The following CCDC192 variants were observed in gnomAD, a reference collection of about 807,000 sequenced individuals.
CCDC192 encodes coiled-coil domain-containing protein 192.
chr5:127,797,771 A>ATATATG (rs1757257645), intron 4 of CCDC192, among the ~76,000 whole-genome samples: 1 of 27,490 alleles, frequency 3.6e-5, no homozygotes, highest in African/African-American at 8.0e-5. Flanking sequence ...ATATATATAT[A>ATATATG]TATATATTTA....
At chr5:127,775,004 T>A (rs1256045933) in intron 3 of CCDC192, among the ~76,000 whole-genome samples, 3 of 152,222 alleles carry the variant, frequency 2.0e-5, no homozygotes, top group African/African-American at 7.2e-5. Flanking sequence ...AGTTTATTCT[T>A]CTGGATCAAT....
intron 6 of CCDC192, among the ~76,000 whole-genome samples, chr5:127,916,398 A>G (rs534991422): frequency 5.9e-5 from 9 of 152,350 alleles, no homozygotes; most frequent in Non-Finnish European, 1.2e-4. Flanking sequence ...CATTCCACAA[A>G]TCACGAATGT....
At chr5:127,735,638 C>A (rs1752937003) in intron 2 of CCDC192, among the ~76,000 whole-genome samples, 2 of 126,144 alleles carry the variant, frequency 1.6e-5, no homozygotes, top group Admixed American at 1.7e-4. Flanking sequence ...TGAAGAGGTC[C>A]TTCACATCCC....
At chr5:127,827,364 C>T (rs980840526) in intron 5 of CCDC192, among the ~76,000 whole-genome samples, 12 of 152,182 alleles carry the variant, frequency 7.9e-5, no homozygotes, top group Admixed American at 7.2e-4. Context: ...TTTTTTCCAG[C>T]ATTTGCTTTT....
chr5:127,919,045 A>G (rs1753621415), intron 6 of CCDC192, among the ~76,000 whole-genome samples: 2 of 146,774 alleles, frequency 1.4e-5, no homozygotes. Flanking sequence ...GTGTGTATAT[A>G]TCTGTGTGTG....
chr5:127,761,659 T>G (rs956931135), intron 3 of CCDC192, among the ~76,000 whole-genome samples: 5 of 152,192 alleles, frequency 3.3e-5, no homozygotes, highest in Non-Finnish European at 7.3e-5. Context: ...GGGCTCAGGT[T>G]TTCTCTTCAA....
At chr5:127,941,046 G>T (rs1754386761) in intron 6 of CCDC192, 136 bp from the exon 7 acceptor site, 2 of 396,600 alleles carry the variant, frequency 5.0e-6, no homozygotes, top group African/African-American at 2.1e-5. Context: ...TATTCTCAGG[G>T]TATCTAACCA....
intron 3 of CCDC192, among the ~76,000 whole-genome samples, chr5:127,795,730 G>A (rs930447655): frequency 6.6e-6 from 1 of 152,022 alleles, no homozygotes; most frequent in Non-Finnish European, 1.5e-5. Flanking sequence ...ACAGGCACCT[G>A]CCACCAAGCC....
At chr5:127,822,280 C>A (rs1427475325) in intron 5 of CCDC192, among the ~76,000 whole-genome samples, 2 of 152,170 alleles carry the variant, frequency 1.3e-5, no homozygotes, top group Non-Finnish European at 2.9e-5. Flanking sequence ...ATTTCTCATC[C>A]CTTTTGGGGT....
At chr5:127,797,850 A>G (rs923102770) in intron 4 of CCDC192, among the ~76,000 whole-genome samples, 5 of 149,694 alleles carry the variant, frequency 3.3e-5, no homozygotes, top group African/African-American at 4.9e-5. Context: ...ACCGTAGCAC[A>G]TCAAGCTAAC....
At chr5:127,881,749 G>A (rs967513303) in intron 6 of CCDC192, among the ~76,000 whole-genome samples, 1 of 152,200 alleles carries the variant, frequency 6.6e-6, no homozygotes, top group Admixed American at 6.5e-5. Flanking sequence ...CAGCCTGAGT[G>A]TTGTTTGTTG....
At chr5:127,928,148 G>C (rs984961067) in intron 6 of CCDC192, among the ~76,000 whole-genome samples, 1 of 151,888 alleles carries the variant, frequency 6.6e-6, no homozygotes, top group Non-Finnish European at 1.5e-5. Flanking sequence ...AGCTGGTCTC[G>C]AACTCAGGTA....
chr5:127,842,395 G>T (rs1228450105), intron 5 of CCDC192, among the ~76,000 whole-genome samples: 1 of 152,066 alleles, frequency 6.6e-6, no homozygotes, highest in Non-Finnish European at 1.5e-5. Context: ...TATTTAAATT[G>T]TTTGTAAAGA....
intron 5 of CCDC192, among the ~76,000 whole-genome samples, chr5:127,806,329 A>G (rs1055463889): frequency 3.9e-5 from 6 of 151,928 alleles, no homozygotes; most frequent in African/African-American, 9.7e-5. Context: ...TTCTGATCAG[A>G]TCTAAGTCCT....
intron 5 of CCDC192, among the ~76,000 whole-genome samples, chr5:127,846,326 A>G (rs1018933264): frequency 2.6e-5 from 4 of 151,810 alleles, no homozygotes; most frequent in Non-Finnish European, 5.9e-5. Context: ...GAATGAATAC[A>G]TGAAACAAGG....
chr5:127,747,094 T>C (rs1056000518), intron 2 of CCDC192, among the ~76,000 whole-genome samples: 1 of 150,726 alleles, frequency 6.6e-6, no homozygotes, highest in African/African-American at 2.5e-5. Flanking sequence ...TTCTTGTTTC[T>C]TTTTTATTTA....
At chr5:127,738,162 A>C (rs1052945407) in intron 2 of CCDC192, among the ~76,000 whole-genome samples, 2 of 151,182 alleles carry the variant, frequency 1.3e-5, no homozygotes, top group African/African-American at 4.9e-5. Context: ...CTTGTCTGTA[A>C]AGTATTTTAT....
intron 3 of CCDC192, among the ~76,000 whole-genome samples, chr5:127,758,216 G>C (rs1754721909): frequency 6.6e-6 from 1 of 152,106 alleles, no homozygotes; most frequent in Non-Finnish European, 1.5e-5. Context: ...ATCATCTGTT[G>C]GTCCTGGGCC....
At chr5:127,865,822 T>G (rs1365995133) in intron 5 of CCDC192, among the ~76,000 whole-genome samples, 2 of 152,004 alleles carry the variant, frequency 1.3e-5, no homozygotes, top group Non-Finnish European at 2.9e-5. Context: ...GTTATATCTA[T>G]CGTTGTCAAG....
Sources: allele counts gnomAD v4.1 joint callset (sites outside exome capture counted in the v4.1 genomes callset), GRCh38; gene constraint gnomAD v4.1.1; transcripts MANE v1.5; gene names NCBI Gene and HGNC (gene_info 2026-07-23, HGNC 2026-07-21).